Variants in LY96 observed in about 807,000 individuals in gnomAD.
LY96 encodes the protein myeloid differentiation protein-2.
Under a neutral mutation model 18.9 loss-of-function variants are expected in LY96, and 18 were observed. The ratio of observed to expected loss-of-function variants is 0.95; its 90% CI spans 0.66 to 1.41. The LOEUF (loss-of-function observed/expected upper bound fraction) is 1.41, where lower values mean the gene tolerates loss of function less well. LY96 is among the 40% of genes most tolerant of loss of function. The probability of loss-of-function intolerance (pLI) is 0.00; values close to 1 mark genes in which losing one functional copy is unlikely to be tolerated. For synonymous variants in LY96, 66 were observed against 62.6 expected (o/e 1.06, Z -0.26); for missense variants, 175 against 182.4 (o/e 0.96, Z 0.23).
the LY96 span, among the ~76,000 whole-genome samples, chr8:74,067,322 C>T: frequency 0.038 from 5,794 of 152,266 alleles, 260 homozygotes; most frequent in African/African-American, 0.099. Flanking sequence ...GCCTCAACCT[C>T]CTGGGCTCAA....
the LY96 span, among the ~76,000 whole-genome samples, chr8:74,063,297 C>T: frequency 0.074 from 11,317 of 152,204 alleles, 668 homozygotes; most frequent in African/African-American, 0.17. Context: ...ACATATTATC[C>T]TATTTCCATC....
intron 3 of LY96, among the ~76,000 whole-genome samples, chr8:74,014,212 T>A (rs924849082): frequency 4.0e-5 from 6 of 150,640 alleles, no homozygotes; most frequent in African/African-American, 1.5e-4. Context: ...GCTAGGAGTT[T>A]GGGGCCAGCC....
At chr8:74,028,803 T>C (rs1020055030) in intron 4 of LY96, among the ~76,000 whole-genome samples, 153 bp from the exon 5 acceptor site, 1 of 152,212 alleles carries the variant, frequency 6.6e-6, no homozygotes, top group African/African-American at 2.4e-5. Context: ...GCTCATTTAA[T>C]TCAAAGACAT....
intron 2 of LY96, among the ~76,000 whole-genome samples, chr8:74,005,137 G>T (rs1462193272): frequency 6.6e-6 from 1 of 152,160 alleles, no homozygotes; most frequent in Non-Finnish European, 1.5e-5. Flanking sequence ...CCAGGCTGGA[G>T]TCCCTTCTGA....
At chr8:74,044,285 G>A in the LY96 span, among the ~76,000 whole-genome samples, 3 of 151,422 alleles carry the variant, frequency 2.0e-5, no homozygotes, top group Non-Finnish European at 1.5e-5. Flanking sequence ...AGGCTCAAGC[G>A]ATTCTTCTGC....
At chr8:74,075,957 T>C in the LY96 span, among the ~76,000 whole-genome samples, 3 of 152,184 alleles carry the variant, frequency 2.0e-5, no homozygotes, top group African/African-American at 7.2e-5. Flanking sequence ...AGAAGACCTG[T>C]TGCGACGCAG....
the LY96 span, among the ~76,000 whole-genome samples, chr8:74,046,873 T>C: frequency 6.6e-6 from 1 of 151,798 alleles, no homozygotes; most frequent in African/African-American, 2.4e-5. Context: ...GGTGAACATT[T>C]TTCCTGACCC....
At chr8:74,090,663 T>A in the LY96 span, among the ~76,000 whole-genome samples, 293 of 152,308 alleles carry the variant, frequency 1.9e-3, 8 homozygotes, top group South Asian at 0.043. Flanking sequence ...CTGTATCTTG[T>A]TAGGGCTCCG....
chr8:74,098,907 G>T, the LY96 span, among the ~76,000 whole-genome samples: 2 of 152,118 alleles, frequency 1.3e-5, no homozygotes, highest in East Asian at 3.9e-4. Flanking sequence ...AGTCTGAAAG[G>T]GGTCCTAGAA....
chr8:74,067,997 G>A, the LY96 span, among the ~76,000 whole-genome samples: 1 of 141,298 alleles, frequency 7.1e-6, no homozygotes, highest in East Asian at 2.1e-4. Flanking sequence ...GGAGGTGAAG[G>A]TTGCAGTGAG....
the LY96 span, among the ~76,000 whole-genome samples, chr8:74,055,332 C>T: frequency 2.0e-5 from 3 of 152,126 alleles, no homozygotes; most frequent in African/African-American, 7.2e-5. Flanking sequence ...GAGACCGGGT[C>T]TCCCTCTGTC....
intron 3 of LY96, among the ~76,000 whole-genome samples, chr8:74,014,840 CACACACAT>C (rs1456837910): frequency 3.3e-5 from 5 of 151,810 alleles, no homozygotes; most frequent in Admixed American, 2.0e-4. Flanking sequence ...CACACACACA[CACACACAT>C]ATATCTGTTT....
intron 4 of LY96, among the ~76,000 whole-genome samples, chr8:74,028,221 G>A (rs1479882734): frequency 6.6e-6 from 1 of 152,184 alleles, no homozygotes; most frequent in Non-Finnish European, 1.5e-5. Context: ...ATAGGTGTGA[G>A]CCACCACACC....
intron 2 of LY96, among the ~76,000 whole-genome samples, chr8:74,006,564 A>G (rs924732098): frequency 6.6e-6 from 1 of 152,190 alleles, no homozygotes; most frequent in East Asian, 1.9e-4. Flanking sequence ...TGCAGATAGT[A>G]TGGTATAAGT....
the LY96 span, among the ~76,000 whole-genome samples, chr8:74,081,117 CTTTCT>C: frequency 3.7e-4 from 51 of 137,922 alleles, 1 homozygote; most frequent in African/African-American, 9.6e-4. Flanking sequence ...TTCTTTCTTT[CTTTCT>C]TTCCTTCCTT....
chr8:74,080,982 C>CTT, the LY96 span, among the ~76,000 whole-genome samples: 21 of 127,792 alleles, frequency 1.6e-4, no homozygotes, highest in Middle Eastern at 3.6e-3. Flanking sequence ...CTTTCTTTCT[C>CTT]TCTCTTTCTT....
the LY96 span, among the ~76,000 whole-genome samples, chr8:74,047,462 A>G: frequency 1.3e-5 from 2 of 152,184 alleles, no homozygotes; most frequent in African/African-American, 4.8e-5. Context: ...GTACAGGAGG[A>G]AGAATATCTT....
chr8:74,093,987 A>G, the LY96 span, among the ~76,000 whole-genome samples: 50 of 152,314 alleles, frequency 3.3e-4, 1 homozygote, highest in South Asian at 4.1e-3. Context: ...TAGTCAAGCA[A>G]TAAATAATAT....
the LY96 span, among the ~76,000 whole-genome samples, chr8:74,035,933 T>C: frequency 2.0e-5 from 3 of 152,352 alleles, no homozygotes; most frequent in East Asian, 3.9e-4. Context: ...AGATGTATTA[T>C]ATCTCCCTAC....
Sources: allele counts gnomAD v4.1 joint callset (sites outside exome capture counted in the v4.1 genomes callset), GRCh38; gene constraint gnomAD v4.1.1; transcripts MANE v1.5; gene names NCBI Gene and HGNC (gene_info 2026-07-23, HGNC 2026-07-21).